RBFOX1: variants seen among roughly 807,000 people sequenced by gnomAD.
RBFOX1 encodes the protein RNA binding fox-1 homolog 1.
A neutral mutation model predicts 57.7 loss-of-function variants in RBFOX1; 8 were observed. That is an observed-to-expected ratio of 0.14 (90% CI 0.08 to 0.25). The LOEUF (loss-of-function observed/expected upper bound fraction) is 0.25. Ranked by LOEUF, RBFOX1 falls within the 10% of genes least tolerant of loss-of-function variation. The pLI, the probability that RBFOX1 is intolerant of heterozygous loss-of-function variation, is 1.00. For synonymous variants in RBFOX1, 326 were observed against 222.4 expected (o/e 1.47, Z -4.15); for missense variants, 611 against 548.5 (o/e 1.11, Z -1.14).
intron 2 of RBFOX1, among the ~76,000 whole-genome samples, chr16:6,513,164 C>T (rs937531538): frequency 9.9e-5 from 15 of 152,146 alleles, no homozygotes; most frequent in Admixed American, 3.3e-4. Context: ...TGAGCTTCAG[C>T]GACTTCATCT....
At chr16:7,493,611 CAG>C (rs2067647887) in intron 4 of RBFOX1, among the ~76,000 whole-genome samples, 1 of 152,092 alleles carries the variant, frequency 6.6e-6, no homozygotes, top group South Asian at 2.1e-4. Flanking sequence ...AATGTAATAA[CAG>C]AATCAGAAAC....
intron 1 of RBFOX1, among the ~76,000 whole-genome samples, chr16:5,371,472 C>G (rs62017735): frequency 1.3e-5 from 2 of 152,304 alleles, no homozygotes; most frequent in Non-Finnish European, 2.9e-5. Flanking sequence ...TCTTGGACTT[C>G]CAGCCTCCAG....
chr16:6,000,822 TG>T (rs1183630746), intron 4 of RBFOX1, among the ~76,000 whole-genome samples: 1 of 112,040 alleles, frequency 8.9e-6, no homozygotes, highest in Non-Finnish European at 1.8e-5. Flanking sequence ...GATGAGTTGG[TG>T]GGTGGATGGA....
rs923959826 is a variant in RBFOX1, at chr16:5,890,297, A to G, written c.351+22962A>G. Among the ~76,000 whole-genome samples, 74 of 152,338 alleles carry G rather than the reference A, an allele frequency of 4.9e-4. 1 individual carries two copies. Among genetic ancestry groups the G allele is most frequent in the African/African-American group, 1.6e-3 (68 of 41,578 alleles). ...AGACACTGGGCAAGGTGCCTCTTTC[A>G]TGTTGACTGACTTTACCCTCCCCAC... On this transcript the variant is annotated intron_variant, in intron 4 of 19. Coordinates refer to the RBFOX1 transcript ENST00000641259.
At chr16:5,807,528 C>G (rs2055271251) in intron 3 of RBFOX1, among the ~76,000 whole-genome samples, 1 of 152,180 alleles carries the variant, frequency 6.6e-6, no homozygotes, top group African/African-American at 2.4e-5. Flanking sequence ...CAATTGGATG[C>G]AAACCAGTTT....
chr16:5,737,031 A>G (rs573231035), intron 3 of RBFOX1, among the ~76,000 whole-genome samples: 1 of 151,036 alleles, frequency 6.6e-6, no homozygotes, highest in Admixed American at 6.6e-5. Flanking sequence ...CACCTCCTTC[A>G]TTTAAAAAGG....
intron 1 of RBFOX1, among the ~76,000 whole-genome samples, chr16:5,447,320 A>T: frequency 6.6e-6 from 1 of 150,468 alleles, no homozygotes; most frequent in East Asian, 2.0e-4. Context: ...TAAACCTATT[A>T]CTTACCTTCT....
chr16:7,399,376 G>A (rs1462933955), intron 4 of RBFOX1, among the ~76,000 whole-genome samples: 1 of 152,194 alleles, frequency 6.6e-6, no homozygotes, highest in Non-Finnish European at 1.5e-5. Context: ...TAACCTGGGA[G>A]GCAGAGGTTG....
intron 4 of RBFOX1, among the ~76,000 whole-genome samples, chr16:5,906,323 C>T (rs563290072): frequency 3.0e-4 from 46 of 152,260 alleles, no homozygotes; most frequent in South Asian, 2.7e-3. Flanking sequence ...GACACAAACA[C>T]GCACGTGGGG....
rs2074578610 is a variant in RBFOX1, at chr16:7,680,956, G to A, written c.995+4118G>A. On this transcript the variant is annotated intron_variant, in intron 14 of 15. Coordinates refer to ENST00000550418, the MANE Select transcript of RBFOX1 (RefSeq NM_018723.4). ...GGGGCCTCACAAGGGACTTATAAGT[G>A]TTTTCAGGTAAAGCTTAATGCAAAG... Among the ~76,000 whole-genome samples, 3 of 152,056 alleles carry A rather than the reference G, an allele frequency of 2.0e-5. No individual in the cohort carries two copies. The South Asian group carries it at 6.2e-4, about 31-fold the overall frequency.
At chr16:6,020,642 C>T (rs879268233) in intron 1 of RBFOX1, among the ~76,000 whole-genome samples, 1 of 152,174 alleles carries the variant, frequency 6.6e-6, no homozygotes, top group Non-Finnish European at 1.5e-5. Flanking sequence ...AGAACCTTCA[C>T]CCCAGAGAAG....
chr16:6,176,888 G>A (rs913102877), intron 1 of RBFOX1, among the ~76,000 whole-genome samples: 8 of 152,238 alleles, frequency 5.3e-5, no homozygotes, highest in African/African-American at 1.2e-4. Flanking sequence ...TGTGATTGCC[G>A]TGAGAACAGG....
At chr16:6,292,138 A>G (rs1263812481) in intron 1 of RBFOX1, among the ~76,000 whole-genome samples, 1 of 152,160 alleles carries the variant, frequency 6.6e-6, no homozygotes, top group Non-Finnish European at 1.5e-5. Context: ...CATGCAGCTG[A>G]AGTCCTAGCT....
chr16:6,993,896 G>C (rs898655777), intron 3 of RBFOX1, among the ~76,000 whole-genome samples: 1 of 152,190 alleles, frequency 6.6e-6, no homozygotes, highest in African/African-American at 2.4e-5. Context: ...CAACATTAAT[G>C]TATCTCATAT....
intron 3 of RBFOX1, among the ~76,000 whole-genome samples, chr16:6,860,156 TCTTG>T (rs1349495176): frequency 6.6e-6 from 1 of 152,218 alleles, no homozygotes; most frequent in African/African-American, 2.4e-5. Context: ...CATATGTTTT[TCTTG>T]CTTCATTTTC....
intron 2 of RBFOX1, among the ~76,000 whole-genome samples, chr16:6,451,000 G>A (rs1366915414): frequency 1.3e-5 from 2 of 149,280 alleles, no homozygotes; most frequent in East Asian, 4.0e-4. Flanking sequence ...ATAGGGATTA[G>A]TGGGTACTGC....
intron 3 of RBFOX1, among the ~76,000 whole-genome samples, chr16:5,745,795 T>G (rs1022348524): frequency 1.3e-5 from 2 of 152,242 alleles, no homozygotes; most frequent in Non-Finnish European, 2.9e-5. Flanking sequence ...GGTTGTTTTT[T>G]TCTTGTAAAT....
intron 4 of RBFOX1, among the ~76,000 whole-genome samples, chr16:5,879,764 G>A (rs2057716478): frequency 1.3e-5 from 2 of 152,204 alleles, no homozygotes; most frequent in Non-Finnish European, 2.9e-5. Flanking sequence ...AGCTGGGGGT[G>A]GCTCTATCCA....
At chr16:6,483,061 C>T in intron 2 of RBFOX1, 5 of 882,158 alleles carry the variant, frequency 5.7e-6, no homozygotes, top group Non-Finnish European at 6.8e-6. Context: ...CCGCAGCCAG[C>T]TCGGAGCTTT....
Sources: allele counts gnomAD v4.1 joint callset (sites outside exome capture counted in the v4.1 genomes callset), GRCh38; gene constraint gnomAD v4.1.1; transcripts MANE v1.5; gene names NCBI Gene and HGNC (gene_info 2026-07-23, HGNC 2026-07-21).